The following PCNX2 variants were observed in gnomAD, a reference collection of about 807,000 sequenced individuals.
PCNX2 encodes the protein pecanex 2, also known as pecanex-like protein 2.
A neutral mutation model predicts 223.8 loss-of-function variants in PCNX2; 168 were observed. That is an observed-to-expected ratio of 0.75 (90% confidence interval 0.66 to 0.85). The LOEUF is 0.85. PCNX2 is among the 40% of genes least tolerant of loss of function. PCNX2 has a pLI of 0.00. For missense variants in PCNX2, 2,507 were observed against 2,675.5 expected, an observed-to-expected ratio of 0.94 and a Z score of 1.39; for synonymous variants, 1,006 against 1,052.6, an observed-to-expected ratio of 0.96 and a Z score of 0.86.
chr1:233,080,511 T>C (rs1673309559), intron 23 of PCNX2, among the ~76,000 whole-genome samples: 1 of 151,984 alleles, frequency 6.6e-6, no homozygotes, highest in African/African-American at 2.4e-5. Flanking sequence ...AACAGAAATA[T>C]GTTGCTCCAG....
intron 1 of PCNX2, among the ~76,000 whole-genome samples, chr1:233,268,571 G>C (rs1001673249): frequency 2.6e-5 from 4 of 152,226 alleles, no homozygotes; most frequent in African/African-American, 9.6e-5. Context: ...TGGGTGTAAA[G>C]TGGGTCATGC....
chr1:233,190,107 T>C (rs1306982325), intron 15 of PCNX2, among the ~76,000 whole-genome samples: 1 of 152,148 alleles, frequency 6.6e-6, no homozygotes, highest in Admixed American at 6.5e-5. Context: ...AATAAACACA[T>C]ATATCATGAC....
rs1030669171 is a variant in PCNX2 at position 233,249,436 on chromosome 1, T to C, written c.2222+1303A>G. Among the ~76,000 whole-genome samples the C allele has an allele frequency of 1.3e-4, 20 of 152,354 alleles. 1 individual carries two copies. Among genetic ancestry groups the C allele is most frequent in the African/African-American group, 4.6e-4 (19 of 41,580 alleles). On this transcript the variant is annotated intron_variant, in intron 8 of 33. Transcript: ENST00000258229. ...TGAGAAAGCTGCCATCTTAGATGAC[T>C]AAACTCATCAAACCATCATAACGTC... is the stretch of plus-strand genomic sequence containing the variant.
chr1:233,123,213 T>G (rs1385146195), intron 21 of PCNX2, among the ~76,000 whole-genome samples: 1 of 152,160 alleles, frequency 6.6e-6, no homozygotes, highest in African/African-American at 2.4e-5. Context: ...AAATAGGGTG[T>G]GGGGTATATG....
chr1:233,065,481 T>G (rs1026773976), intron 23 of PCNX2: 2 of 152,158 alleles, frequency 1.3e-5, no homozygotes, highest in African/African-American at 4.8e-5. Context: ...AATATGGAGT[T>G]GGTGTATTTT....
At chr1:233,283,084 A>G (rs577453437) in intron 1 of PCNX2, among the ~76,000 whole-genome samples, 4 of 151,906 alleles carry the variant, frequency 2.6e-5, no homozygotes, top group Non-Finnish European at 5.9e-5. Context: ...AGATTTGTCT[A>G]TGGTGGTGTT....
In PCNX2 at chr1:233,033,728, G is replaced by A. The variant is rs1671349912; in HGVS notation, c.4352-8329C>T. On this transcript the variant is annotated intron_variant, in intron 25 of 33. Coordinates refer to ENST00000258229, the MANE Select transcript of PCNX2 (RefSeq NM_014801.4). The stretch of plus-strand genomic sequence containing the variant: ...GTATTTCTATAGGTAGTCAAAACAA[G>A]TCAGCCTTACATATGGGGCTCTCCA... Among the ~76,000 whole-genome samples the A allele has an allele frequency of 3.3e-5, 5 of 152,250 alleles. No homozygotes were observed. The South Asian group carries it at 1.0e-3, about 32-fold the overall frequency.
At chr1:233,004,218 A>G (rs1158874860) in intron 28 of PCNX2, among the ~76,000 whole-genome samples, 2 of 151,966 alleles carry the variant, frequency 1.3e-5, no homozygotes, top group African/African-American at 2.4e-5. Context: ...AGTTCCACAC[A>G]CTTATGTATT....
chr1:233,163,136 A>C (rs1187713494), intron 17 of PCNX2, among the ~76,000 whole-genome samples: 2 of 82,704 alleles, frequency 2.4e-5, no homozygotes, highest in Non-Finnish European at 5.5e-5. Context: ...CCTATATTAT[A>C]ATTTCTAAAT....
intron 21 of PCNX2, among the ~76,000 whole-genome samples, chr1:233,133,849 G>A (rs905109537): frequency 6.6e-6 from 1 of 152,126 alleles, no homozygotes; most frequent in African/African-American, 2.4e-5. Context: ...GTGGCATTGT[G>A]TTTGTGAAGG....
chr1:233,295,679 G>T lies in PCNX2; in HGVS notation c.-201C>A. The T allele has an allele frequency of 1.9e-6, 1 of 513,414 alleles. No homozygotes were observed. Among genetic ancestry groups the T allele is most frequent in the Non-Finnish European group, 3.0e-6 (1 of 335,290 alleles). 31.8% of individuals were successfully genotyped at this position (513,414 alleles called of 1,614,324 possible). On this transcript the variant is annotated 5_prime_UTR_variant, in exon 1 of 34. Transcript: ENST00000258229. The surrounding 1 kb of genome is among the most constrained non-coding windows in gnomAD (Gnocchi z 4.1). ...GCCCGGACCCGCGAACCGCGGCGCC[G>T]GAGCCGGCTGCTGCGGCCGGGCAGG...
intron 23 of PCNX2, among the ~76,000 whole-genome samples, chr1:233,071,348 G>A (rs556648980): frequency 3.9e-5 from 6 of 152,170 alleles, no homozygotes; most frequent in Admixed American, 6.5e-5. Context: ...CCCAGTGTGC[G>A]TTTTTCCCGT....
upstream of PCNX2, among the ~76,000 whole-genome samples, chr1:233,295,980 CTCTT>C (rs1000774473): frequency 6.9e-6 from 1 of 144,856 alleles, no homozygotes; most frequent in African/African-American, 2.5e-5. This position sits in a 1 kb window ranked among gnomAD's most constrained non-coding sequence, Gnocchi z 4.1. Flanking sequence ...TTCTTTCTCG[CTCTT>C]TTTTTCTTTC....
At chr1:233,246,096 A>AAATGTCCTTCAGATGGGATG in intron 8 of PCNX2, among the ~76,000 whole-genome samples, 1 of 152,216 alleles carries the variant, frequency 6.6e-6, no homozygotes, top group South Asian at 2.1e-4. Flanking sequence ...CAGATAGGAT[A>AAATGTCCTTCAGATGGGATG]AATGTCCTTC....
Position 233,179,118 on chromosome 1 carries a change from C to T in PCNX2, c.3124G>A (p.Val1042Ile). The change falls in exon 16 of 34, where the codon GTC becomes ATC. Residue 1042 changes from valine (V) to isoleucine (I), a missense_variant. Coordinates refer to ENST00000258229, the MANE Select transcript of PCNX2 (RefSeq NM_014801.4). ...ALFSAFCGLLVALSYHLSRQS... is the reference protein window; with the variant it reads ...ALFSAFCGLLIALSYHLSRQS... ...CGGCTCAGATGGTAAGAAAGGGCGA[C>T]CAAGAGGCCACAGAAGGCCGAAAAC... The T allele has an allele frequency of 6.2e-7, 1 of 1,613,870 alleles. No homozygotes were observed. The highest frequency in any genetic ancestry group is 1.1e-5 in the South Asian group (1 of 91,086).
intron 28 of PCNX2, among the ~76,000 whole-genome samples, chr1:233,011,914 AAG>A (rs1177761101): frequency 1.3e-5 from 2 of 152,132 alleles, no homozygotes; most frequent in African/African-American, 2.4e-5. Context: ...ATTGACCCCA[AAG>A]AGGGAATTGT....
At chr1:233,206,492 A>G (rs879602082) in intron 13 of PCNX2, among the ~76,000 whole-genome samples, 22 of 152,248 alleles carry the variant, frequency 1.4e-4, no homozygotes, top group Admixed American at 1.4e-3. Flanking sequence ...GTTATAAAAT[A>G]TAAGAATGAC....
intron 28 of PCNX2, among the ~76,000 whole-genome samples, chr1:233,014,051 T>A (rs932207709): frequency 9.2e-5 from 14 of 152,322 alleles, no homozygotes; most frequent in Middle Eastern, 3.4e-3. Context: ...TTGGCATGAG[T>A]ACTGTTTCTT....
In PCNX2 at chr1:233,213,816, C is replaced by CTT. The variant is rs71173256; in HGVS notation, c.2691+4081_2691+4082dup. Among the ~76,000 whole-genome samples the CTT allele has an allele frequency of 2.6e-3, 168 of 65,276 alleles. 12 individuals are homozygous for CTT. The highest frequency in any genetic ancestry group is 4.0e-3 in the African/African-American group (62 of 15,628). 42.8% of individuals were successfully genotyped at this position (65,276 alleles called of 152,430 possible). ...TATTACATACATTGCCCAGTGCACT[C>CTT]TTTTTTTTTTTTTTTTTTTTTTTTT... is the stretch of plus-strand genomic sequence containing the variant. On this transcript the variant is annotated intron_variant, in intron 12 of 33. Transcript: ENST00000258229.
Sources: gnomAD v4.1 joint callset for allele counts (sites outside exome capture counted in the v4.1 genomes callset) on GRCh38, gnomAD v4.1.1 for gene constraint, Gnocchi (gnomAD v3.1) non-coding constraint, MANE v1.5 for transcripts, NCBI Gene and HGNC (gene_info 2026-07-23, HGNC 2026-07-21) for gene names.